Variants in EIF4G3 observed in about 807,000 individuals in gnomAD.
EIF4G3 encodes the protein eIF-4-gamma 3.
A neutral mutation model predicts 186.4 loss-of-function variants in EIF4G3; 34 were observed. The ratio of observed to expected loss-of-function variants is 0.18; its 90% CI spans 0.14 to 0.24. The LOEUF (loss-of-function observed/expected upper bound fraction) is 0.24, where lower values mean the gene tolerates loss of function less well. Among genes scored for constraint, EIF4G3 ranks in the 10% least tolerant of loss-of-function variants. The pLI is 1.00. For missense variants in EIF4G3, 1,536 were observed against 1,948.5 expected (o/e 0.79, Z 3.99); for synonymous variants, 673 against 679.5 (o/e 0.99, Z 0.15).
intron 6 of EIF4G3, among the ~76,000 whole-genome samples, chr1:21,000,372 C>G (rs1365846810): frequency 6.6e-6 from 1 of 152,074 alleles, no homozygotes; most frequent in East Asian, 1.9e-4. Context: ...AAGCCTAAAA[C>G]TGCGCAATTG....
intron 2 of EIF4G3, among the ~76,000 whole-genome samples, chr1:21,108,300 T>C (rs760024835): frequency 6.6e-6 from 1 of 152,226 alleles, no homozygotes; most frequent in Non-Finnish European, 1.5e-5. Flanking sequence ...CAATCAACCC[T>C]ATTATTCAGA....
chr1:21,159,790 G>C (rs2097728387), intron 2 of EIF4G3, among the ~76,000 whole-genome samples: 1 of 151,380 alleles, frequency 6.6e-6, no homozygotes, highest in African/African-American at 2.4e-5. Context: ...AACACAGTAA[G>C]ACTATCTCTA....
At chr1:21,074,315 C>T (rs933840496) in intron 3 of EIF4G3, among the ~76,000 whole-genome samples, 1 of 152,182 alleles carries the variant, frequency 6.6e-6, no homozygotes, top group Non-Finnish European at 1.5e-5. Context: ...CATCTCCACA[C>T]ATAACTAAAT....
At chr1:20,931,553 T>A (rs1351772740) in intron 14 of EIF4G3, among the ~76,000 whole-genome samples, 1 of 152,194 alleles carries the variant, frequency 6.6e-6, no homozygotes, top group Non-Finnish European at 1.5e-5. Flanking sequence ...ACCGGCTGCA[T>A]AAGCCCCTAA....
intron 2 of EIF4G3, among the ~76,000 whole-genome samples, chr1:21,129,192 G>A (rs1479257222): frequency 2.6e-5 from 4 of 152,118 alleles, no homozygotes; most frequent in Non-Finnish European, 5.9e-5. Flanking sequence ...GCGGGTGCCT[G>A]TAATCCCAGC....
chr1:20,966,510 G>A (rs2074701243), intron 12 of EIF4G3, among the ~76,000 whole-genome samples: 1 of 146,144 alleles, frequency 6.8e-6, no homozygotes, highest in Non-Finnish European at 1.5e-5. Context: ...GTCTCTCTCT[G>A]TTGCCCAGGC....
intron 14 of EIF4G3, chr1:20,941,189 A>G (rs1358248107): frequency 2.0e-6 from 3 of 1,486,956 alleles, no homozygotes; most frequent in Non-Finnish European, 2.7e-6. Flanking sequence ...GCATTGAGAA[A>G]CCAATTCATA....
chr1:20,886,479 T>C (rs1000046438), intron 18 of EIF4G3, 108 bp from the exon 19 acceptor site: 53 of 1,093,514 alleles, frequency 4.8e-5, no homozygotes, highest in Non-Finnish European at 6.3e-5. Context: ...GATGCAAAGA[T>C]TGGGTACTAG....
intron 11 of EIF4G3, among the ~76,000 whole-genome samples, chr1:20,971,504 T>G (rs1284932726): frequency 6.6e-6 from 1 of 152,256 alleles, no homozygotes; most frequent in African/African-American, 2.4e-5. Flanking sequence ...TGATTCAACA[T>G]TACCAAAGCA....
At chr1:21,061,890 G>A (rs980679644) in intron 3 of EIF4G3, among the ~76,000 whole-genome samples, 4 of 151,248 alleles carry the variant, frequency 2.6e-5, no homozygotes, top group South Asian at 2.1e-4. Flanking sequence ...TGGGACTACA[G>A]GCACATGCCA....
At chr1:20,839,164 A>G (rs1245043470) in intron 30 of EIF4G3, among the ~76,000 whole-genome samples, 1 of 151,994 alleles carries the variant, frequency 6.6e-6, no homozygotes, top group African/African-American at 2.4e-5. Flanking sequence ...TTTTTAGTAG[A>G]GGCGGGGTTT....
At chr1:20,940,247 T>A (rs1482523555) in intron 14 of EIF4G3, among the ~76,000 whole-genome samples, 1 of 152,200 alleles carries the variant, frequency 6.6e-6, no homozygotes, top group Non-Finnish European at 1.5e-5. Flanking sequence ...GTGATGGCAC[T>A]ATGAATACTG....
intron 4 of EIF4G3, among the ~76,000 whole-genome samples, chr1:21,043,081 CAG>C (rs1403678101): frequency 1.3e-5 from 2 of 152,162 alleles, no homozygotes; most frequent in African/African-American, 4.8e-5. Context: ...AAAACGCTGA[CAG>C]AGTTTTTCAT....
chr1:20,965,292 A>G (rs958352951), intron 12 of EIF4G3, among the ~76,000 whole-genome samples: 10 of 152,120 alleles, frequency 6.6e-5, no homozygotes, highest in Admixed American at 2.0e-4. Context: ...TATACTCAAT[A>G]TTATGTTTCA....
chr1:20,825,060 C>A, intron 33 of EIF4G3, 40 bp downstream of exon 33: 1 of 1,333,558 alleles, frequency 7.5e-7, no homozygotes, highest in South Asian at 1.3e-5. Context: ...TGAAATAGAT[C>A]AACTACTATC....
intron 14 of EIF4G3, among the ~76,000 whole-genome samples, chr1:20,927,402 G>T (rs762196594): frequency 2.0e-5 from 3 of 152,194 alleles, no homozygotes; most frequent in Non-Finnish European, 4.4e-5. Flanking sequence ...CCCTTGAAAC[G>T]ACTATTTCTA....
intron 3 of EIF4G3, chr1:21,073,611 C>A: frequency 2.0e-6 from 1 of 512,680 alleles, no homozygotes; most frequent in South Asian, 1.4e-5. Context: ...ATGGACCCCT[C>A]TAAGTCTCCC....
intron 2 of EIF4G3, among the ~76,000 whole-genome samples, chr1:21,151,529 T>A (rs557443864): frequency 2.0e-5 from 3 of 152,024 alleles, no homozygotes; most frequent in Non-Finnish European, 4.4e-5. Context: ...TGAGCCACCA[T>A]GCCCAGCTTT....
At chr1:21,108,860 G>A (rs367652556) in intron 2 of EIF4G3, among the ~76,000 whole-genome samples, 34 of 117,926 alleles carry the variant, frequency 2.9e-4, no homozygotes, top group South Asian at 2.9e-4. Flanking sequence ...CTGAGATCGC[G>A]CCACTGCACT....
Sources: gnomAD v4.1 joint callset for allele counts (sites outside exome capture counted in the v4.1 genomes callset) on GRCh38, gnomAD v4.1.1 for gene constraint, MANE v1.5 for transcripts, NCBI Gene and HGNC (gene_info 2026-07-23, HGNC 2026-07-21) for gene names.